Variants in HHAT observed in about 807,000 individuals in gnomAD.
HHAT encodes hedgehog acyltransferase.
Under a neutral mutation model 70.8 loss-of-function variants are expected in HHAT, and 47 were observed. The observed-to-expected ratio is 0.66, with a 90% CI of 0.53 to 0.85. HHAT has a LOEUF of 0.85. Among genes scored for constraint, HHAT ranks in the 40% least tolerant of loss-of-function variants. The probability of loss-of-function intolerance (pLI) is 0.00; values close to 1 mark genes in which losing one functional copy is unlikely to be tolerated. For missense variants in HHAT, 609 were observed against 604.8 expected (o/e 1.01, Z -0.07); for synonymous variants, 228 against 247.6 (o/e 0.92, Z 0.74).
chr1:210,564,759 T>C (rs1654241549), intron 9 of HHAT, among the ~76,000 whole-genome samples: 1 of 149,618 alleles, frequency 6.7e-6, no homozygotes, highest in Admixed American at 6.7e-5. Context: ...ATGTAGCCAT[T>C]GGCTGTGACA....
At chr1:210,610,411 G>A (rs4592309) in intron 10 of HHAT, among the ~76,000 whole-genome samples, 123,237 of 152,142 alleles carry the variant, frequency 0.81, 52,061 homozygotes, top group East Asian at 0.99. Flanking sequence ...ATAGATGCTG[G>A]ATAGTAGACC....
intron 8 of HHAT, among the ~76,000 whole-genome samples, chr1:210,510,248 A>G (rs908730284): frequency 6.6e-6 from 1 of 152,168 alleles, no homozygotes; most frequent in Admixed American, 6.5e-5. Flanking sequence ...CACCATTTCT[A>G]TGAGGAAGGG....
chr1:210,410,428 GAA>G (rs1338926376), intron 6 of HHAT, among the ~76,000 whole-genome samples: 1 of 141,698 alleles, frequency 7.1e-6, no homozygotes, highest in Non-Finnish European at 1.5e-5. Flanking sequence ...TGACCCTAAA[GAA>G]AGATGAAAAA....
intron 11 of HHAT, among the ~76,000 whole-genome samples, chr1:210,658,018 A>C (rs1009697666): frequency 1.3e-5 from 2 of 152,066 alleles, no homozygotes; most frequent in African/African-American, 2.4e-5. Context: ...ATGAATGGGT[A>C]CTCTGAAGTC....
At chr1:210,372,185 G>C (rs1176855796) in intron 3 of HHAT, among the ~76,000 whole-genome samples, 1 of 152,156 alleles carries the variant, frequency 6.6e-6, no homozygotes, top group African/African-American at 2.4e-5. Flanking sequence ...CTGAAAGCTG[G>C]CCCTGGCATG....
chr1:210,632,913 C>T (rs1372688699), intron 11 of HHAT, among the ~76,000 whole-genome samples: 1 of 152,094 alleles, frequency 6.6e-6, no homozygotes, highest in Admixed American at 6.5e-5. Context: ...GAGATGGAGG[C>T]AGGGATTGGA....
chr1:210,651,852 GGCCAGGGCTTGGTTGTCAGTAAGGGCAA>G (rs1675228552), intron 11 of HHAT, among the ~76,000 whole-genome samples: 1 of 152,236 alleles, frequency 6.6e-6, no homozygotes, highest in Non-Finnish European at 1.5e-5. Flanking sequence ...GTGGCCTCTA[GGCCAGGGCTTGGTTGTCAGTAAGGGCAA>G]CCCAGGAAAG....
chr1:210,520,014 C>T (rs1452356533), intron 9 of HHAT, among the ~76,000 whole-genome samples: 6 of 77,848 alleles, frequency 7.7e-5, no homozygotes, highest in African/African-American at 2.3e-4. Flanking sequence ...TTTTAAAACC[C>T]TTTGTTTTTT....
intron 10 of HHAT, chr1:210,590,563 A>AAAAAAAAAC (rs1432353433): frequency 6.7e-6 from 1 of 149,514 alleles, no homozygotes; most frequent in Admixed American, 6.6e-5. Context: ...AAAAAAAAAA[A>AAAAAAAAAC]AGGCAACAGA....
chr1:210,570,652 T>C (rs1264098432), intron 9 of HHAT, among the ~76,000 whole-genome samples: 1 of 152,148 alleles, frequency 6.6e-6, no homozygotes, highest in African/African-American at 2.4e-5. Context: ...TGATGAAAGT[T>C]GGGGGTCACC....
At chr1:210,658,231 G>A (rs1574054633) in intron 11 of HHAT, among the ~76,000 whole-genome samples, 2 of 152,132 alleles carry the variant, frequency 1.3e-5, no homozygotes, top group Non-Finnish European at 1.5e-5. Flanking sequence ...TCAGTCTCTC[G>A]AGCTTTCATT....
At chr1:210,329,754 T>C (rs2084823180) in intron 1 of HHAT, among the ~76,000 whole-genome samples, 1 of 152,164 alleles carries the variant, frequency 6.6e-6, no homozygotes, top group African/African-American at 2.4e-5. Flanking sequence ...TTTGTTGTTG[T>C]TTGTGTTTTT....
intron 3 of HHAT, among the ~76,000 whole-genome samples, chr1:210,377,356 T>C (rs1215325826): frequency 6.6e-6 from 1 of 152,214 alleles, no homozygotes; most frequent in Non-Finnish European, 1.5e-5. Flanking sequence ...AAAATAGTGT[T>C]TTTCCAATTT....
At chr1:210,488,576 C>A (rs889304489) in intron 8 of HHAT, among the ~76,000 whole-genome samples, 1 of 152,106 alleles carries the variant, frequency 6.6e-6, no homozygotes, top group Non-Finnish European at 1.5e-5. Flanking sequence ...ATTATTCATT[C>A]GATGAATGAA....
chr1:210,329,750 GTTGT>G (rs1208564345), intron 1 of HHAT, among the ~76,000 whole-genome samples: 1 of 152,122 alleles, frequency 6.6e-6, no homozygotes, highest in Non-Finnish European at 1.5e-5. Context: ...TGTTTTTGTT[GTTGT>G]TTGTGTTTTT....
intron 9 of HHAT, among the ~76,000 whole-genome samples, chr1:210,560,881 T>C (rs2095617253): frequency 6.7e-6 from 1 of 148,748 alleles, no homozygotes; most frequent in African/African-American, 2.5e-5. Flanking sequence ...ATCGTTTTTT[T>C]CCTCTTTCTT....
rs1019603211 is a variant in HHAT at position 210,465,939 on chromosome 1, G to A, written c.1007+1284G>A. Among the ~76,000 whole-genome samples the A allele has an allele frequency of 6.5e-3, 786 of 121,042 alleles. 4 individuals are homozygous for A. Among genetic ancestry groups the A allele is most frequent in the African/African-American group, 0.024 (742 of 31,414 alleles). The allele number at this position is 121,042 out of a possible 152,430, so 79.4% of individuals were successfully genotyped here. On this transcript the variant is annotated intron_variant, in intron 8 of 11. Coordinates refer to ENST00000261458, the MANE Select transcript of HHAT (RefSeq NM_018194.6). ...AGGAATGAATTGCAAGGAATTGCAA[G>A]GAATGAATTGCAAGGAATTGCAAGG...
Position 210,426,286 on chromosome 1 carries a change from A to G in HHAT, c.856+7961A>G, listed in dbSNP as rs188754552. ...TCTCAACATCGATAATGTTACCTATAAACGGGTAGTTTTACTTCTTCTCTT... is the reference window on the plus strand; with the variant it reads ...TCTCAACATCGATAATGTTACCTATGAACGGGTAGTTTTACTTCTTCTCTT... On this transcript the variant is annotated intron_variant, in intron 7 of 11. Transcript: ENST00000261458. Among the ~76,000 whole-genome samples the G allele has an allele frequency of 6.6e-5, 10 of 152,262 alleles. No homozygotes were observed. The East Asian group carries it at 1.9e-3, about 29-fold the overall frequency.
intron 4 of HHAT, among the ~76,000 whole-genome samples, chr1:210,388,309 A>G (rs922441291): frequency 1.3e-5 from 2 of 152,228 alleles, no homozygotes; most frequent in Non-Finnish European, 2.9e-5. Flanking sequence ...CCTAGGAAAA[A>G]TGTTTTGATT....
Sources: gnomAD v4.1 joint callset for allele counts (sites outside exome capture counted in the v4.1 genomes callset) on GRCh38, gnomAD v4.1.1 for gene constraint, MANE v1.5 for transcripts, NCBI Gene and HGNC (gene_info 2026-07-23, HGNC 2026-07-21) for gene names.